Variants in EVA1C observed in about 807,000 individuals in gnomAD.
The protein encoded by EVA1C is protein eva-1 homolog C.
In EVA1C, 25 loss-of-function variants were observed where a neutral mutation model predicts 45.4. The ratio of observed to expected loss-of-function variants is 0.55; its 90% CI spans 0.40 to 0.77. The LOEUF is 0.77. Ranked by LOEUF, EVA1C falls within the 30% of genes least tolerant of loss-of-function variation. EVA1C has a pLI of 0.00. For synonymous variants in EVA1C, 190 were observed against 221.2 expected, an observed-to-expected ratio of 0.86 and a Z score of 1.25; for missense variants, 479 against 554.8, an observed-to-expected ratio of 0.86 and a Z score of 1.37.
intron 4 of EVA1C, among the ~76,000 whole-genome samples, chr21:32,487,127 A>G (rs2036995860): frequency 6.6e-6 from 1 of 152,184 alleles, no homozygotes. Context: ...GTCTTTTGTT[A>G]TTCATTAAAA....
rs1444577483 is a variant in EVA1C, at chr21:32,452,153, C to T, written c.161-1159C>T. 2.0e-5 allele frequency: 3 copies of T among 152,246 alleles called. No individual in the cohort carries two copies. Among genetic ancestry groups the T allele is most frequent in the Non-Finnish European group, 4.4e-5 (3 of 68,066 alleles). The allele number at this position is 152,246 out of a possible 1,614,324, so 9.4% of individuals were successfully genotyped here. A position where few individuals can be genotyped will look rare whatever the true frequency, so the allele number is the denominator to read the frequency against. On this transcript the variant is annotated intron_variant, in intron 1 of 7. Coordinates refer to ENST00000300255, the MANE Select transcript of EVA1C (RefSeq NM_058187.5). The surrounding 1 kb of genome is among the most constrained non-coding windows in gnomAD (Gnocchi z 4.0). ...TGAAAGCCTCCCTCAGGATGGGCAT[C>T]CACACATCCAGGGGACACTCACCCC...
Position 32,440,927 on chromosome 21 carries a change from C to A in EVA1C, c.161-12385C>A, listed in dbSNP as rs113630923. On this transcript the variant is annotated intron_variant, in intron 1 of 7. Coordinates refer to ENST00000300255, the MANE Select transcript of EVA1C (RefSeq NM_058187.5). ...ACCAGCCTGACCAACATGGAGAAAACCCGTCTTTATTAAAAATACAAAAAA... is the reference window on the plus strand; with the variant it reads ...ACCAGCCTGACCAACATGGAGAAAAACCGTCTTTATTAAAAATACAAAAAA... Among the ~76,000 whole-genome samples the A allele has an allele frequency of 6.8e-3, 1,042 of 152,180 alleles. 11 individuals carry two copies. Among genetic ancestry groups the A allele is most frequent in the Admixed American group, 0.029 (444 of 15,280 alleles).
At chr21:32,500,031 A>G (rs1300665276) in intron 5 of EVA1C, among the ~76,000 whole-genome samples, 1 of 152,120 alleles carries the variant, frequency 6.6e-6, no homozygotes, top group Non-Finnish European at 1.5e-5. Flanking sequence ...AGGGTCTTCG[A>G]ATTCTTTCCA....
chr21:32,459,143 C>G (rs2035902529), intron 3 of EVA1C, among the ~76,000 whole-genome samples: 1 of 152,176 alleles, frequency 6.6e-6, no homozygotes, highest in Non-Finnish European at 1.5e-5. Context: ...TCATCACACA[C>G]AGGCACACAC....
At chr21:32,439,481 A>G (rs2035093956) in intron 1 of EVA1C, among the ~76,000 whole-genome samples, 1 of 152,132 alleles carries the variant, frequency 6.6e-6, no homozygotes, top group Non-Finnish European at 1.5e-5. Flanking sequence ...CTGACTGTCA[A>G]CCCGGCCTCC....
intron 3 of EVA1C, among the ~76,000 whole-genome samples, chr21:32,463,923 A>G (rs1207635756): frequency 2.6e-5 from 4 of 151,942 alleles, no homozygotes; most frequent in Non-Finnish European, 4.4e-5. Context: ...CTGAGTTCTT[A>G]TGGTTGGAAG....
At chr21:32,499,098 C>T (rs1212105659) in intron 5 of EVA1C, among the ~76,000 whole-genome samples, 3 of 152,176 alleles carry the variant, frequency 2.0e-5, no homozygotes, top group Non-Finnish European at 4.4e-5. Context: ...CTAGAATGCC[C>T]TTCCCCTCTG....
intron 4 of EVA1C, among the ~76,000 whole-genome samples, chr21:32,479,846 T>A (rs1237413618): frequency 8.1e-6 from 1 of 123,008 alleles, no homozygotes; most frequent in African/African-American, 3.2e-5. Context: ...TCCCAGCTAC[T>A]CTTTTTTTTT....
At chr21:32,437,813 GACTA>G (rs2035018413) in intron 1 of EVA1C, among the ~76,000 whole-genome samples, 1 of 152,088 alleles carries the variant, frequency 6.6e-6, no homozygotes, top group Admixed American at 6.6e-5. Context: ...ATAAGCAATT[GACTA>G]ACTTGTCCTT....
At chr21:32,468,269 T>C (rs950625026) in intron 4 of EVA1C, among the ~76,000 whole-genome samples, 2 of 151,802 alleles carry the variant, frequency 1.3e-5, no homozygotes, top group Non-Finnish European at 2.9e-5. Context: ...CTTGGGAGGC[T>C]GAGGCAGGAG....
At chr21:32,415,668 C>T (rs2034008493) in intron 1 of EVA1C, among the ~76,000 whole-genome samples, 1 of 152,062 alleles carries the variant, frequency 6.6e-6, no homozygotes, top group African/African-American at 2.4e-5. Context: ...TCCTCCCTGT[C>T]CATGCTCGTG....
intron 3 of EVA1C, among the ~76,000 whole-genome samples, chr21:32,463,775 G>C (rs1250333616): frequency 1.4e-5 from 2 of 138,156 alleles, no homozygotes; most frequent in African/African-American, 5.6e-5. Flanking sequence ...TAAATATTTT[G>C]ATTTATAAAA....
chr21:32,505,070 C>A (rs964172675), intron 7 of EVA1C, among the ~76,000 whole-genome samples: 1 of 151,984 alleles, frequency 6.6e-6, no homozygotes, highest in Non-Finnish European at 1.5e-5. Flanking sequence ...AAAGACCCAC[C>A]CCATGATTCA....
At chr21:32,478,831 T>C (rs1233468812) in intron 4 of EVA1C, among the ~76,000 whole-genome samples, 2 of 152,240 alleles carry the variant, frequency 1.3e-5, no homozygotes, top group African/African-American at 4.8e-5. Context: ...GATTCTGCTA[T>C]TTCCTTAATA....
intron 1 of EVA1C, among the ~76,000 whole-genome samples, chr21:32,423,081 A>AAT (rs2034350356): frequency 6.6e-6 from 1 of 151,096 alleles, no homozygotes; most frequent in South Asian, 2.1e-4. Flanking sequence ...AAAAAAAAAA[A>AAT]AAAAAAAAAA....
At chr21:32,500,049 G>T (rs2037476377) in intron 5 of EVA1C, among the ~76,000 whole-genome samples, 1 of 152,118 alleles carries the variant, frequency 6.6e-6, no homozygotes, top group Admixed American at 6.6e-5. Context: ...CCAGATTTAC[G>T]ATGGAAACAC....
intron 1 of EVA1C, among the ~76,000 whole-genome samples, chr21:32,435,877 C>T (rs907743920): frequency 6.6e-6 from 1 of 152,226 alleles, no homozygotes; most frequent in African/African-American, 2.4e-5. Flanking sequence ...TTTTAAATTA[C>T]TAGCATGGAT....
chr21:32,503,903 G>T (rs1159372447), intron 6 of EVA1C, 23 bp from the exon 7 acceptor site: 12 of 1,565,038 alleles, frequency 7.7e-6, no homozygotes, highest in Non-Finnish European at 1.1e-5. Context: ...TGATTAATTG[G>T]TCTTGCATTT....
intron 4 of EVA1C, among the ~76,000 whole-genome samples, chr21:32,477,616 A>T (rs995697618): frequency 4.0e-5 from 6 of 151,738 alleles, no homozygotes; most frequent in African/African-American, 1.5e-4. Flanking sequence ...TCCCCACATG[A>T]GTCTCTTATG....
Sources: allele counts gnomAD v4.1 joint callset (sites outside exome capture counted in the v4.1 genomes callset), GRCh38; gene constraint gnomAD v4.1.1; non-coding constraint Gnocchi (gnomAD v3.1); transcripts MANE v1.5; gene names NCBI Gene and HGNC (gene_info 2026-07-23, HGNC 2026-07-21).